The following PHACTR2 variants were observed in gnomAD, a reference collection of about 807,000 sequenced individuals.
PHACTR2 encodes phosphatase and actin regulator 2, also known as chromosome 6 open reading frame 56.
A neutral mutation model predicts 76.0 loss-of-function variants in PHACTR2; 30 were observed. The observed-to-expected ratio is 0.39, with a 90% CI of 0.30 to 0.54. The LOEUF (loss-of-function observed/expected upper bound fraction) is 0.54. PHACTR2 is among the 20% of genes least tolerant of loss of function. The probability of loss-of-function intolerance (pLI) is 0.61; values close to 1 mark genes in which losing one functional copy is unlikely to be tolerated. For missense variants in PHACTR2, 696 were observed against 781.1 expected, an observed-to-expected ratio of 0.89 and a Z score of 1.30; for synonymous variants, 292 against 292.5, an observed-to-expected ratio of 1.00 and a Z score of 0.02.
chr6:143,704,313 A>G (rs1015693522), intron 1 of PHACTR2, among the ~76,000 whole-genome samples: 6 of 152,198 alleles, frequency 3.9e-5, no homozygotes, highest in Admixed American at 1.3e-4. Context: ...TCTCTTACTT[A>G]TAGAATACTG....
Position 143,754,217 on chromosome 6 carries a change from G to C in PHACTR2, c.454+305G>C, listed in dbSNP as rs892588229. The C allele has an allele frequency of 1.1e-5, 2 of 183,560 alleles. No homozygotes were observed. Among genetic ancestry groups the C allele is most frequent in the Non-Finnish European group, 2.3e-5 (2 of 87,956 alleles). 11.4% of individuals were successfully genotyped at this position (183,560 alleles called of 1,614,324 possible). A position where few individuals can be genotyped will look rare whatever the true frequency, so the allele number is the denominator to read the frequency against. ...CTGGGAAGATTATCCTTTCTTAGGA[G>C]CTTTGTCTCAGGATCATAATGAAAG... On this transcript the variant is annotated intron_variant, in intron 4 of 12. Transcript: ENST00000440869. The surrounding 1 kb of genome is among the most constrained non-coding windows in gnomAD (Gnocchi z 6.2).
chr6:143,677,476 G>C (rs1443939903), upstream of PHACTR2, among the ~76,000 whole-genome samples: 1 of 152,056 alleles, frequency 6.6e-6, no homozygotes, highest in Non-Finnish European at 1.5e-5. Context: ...ACAGCAAAAA[G>C]TATATTTTGT....
At position 143,583,189 on chromosome 6, in the gene PHACTR2, G is replaced by A. The variant is rs1233338423; in HGVS notation, c.217+45982G>A. Among the ~76,000 whole-genome samples, 2 of 152,190 alleles carry A rather than the reference G, an allele frequency of 1.3e-5. No individual in the cohort carries two copies. Among genetic ancestry groups the A allele is most frequent in the African/African-American group, 2.4e-5 (1 of 41,460 alleles). ...GTATCTGTGAATTCACCATGGCCAC[G>A]GTAGTGATAAAGAGCATTCCTCCAC... On this transcript the variant is annotated intron_variant, in intron 1 of 11. Coordinates refer to the PHACTR2 transcript ENST00000367584. The surrounding 1 kb of genome is among the most constrained non-coding windows in gnomAD (Gnocchi z 4.0).
intron 1 of PHACTR2, among the ~76,000 whole-genome samples, chr6:143,614,494 G>A (rs1050208686): frequency 6.6e-6 from 1 of 151,782 alleles, no homozygotes; most frequent in Non-Finnish European, 1.5e-5. Context: ...AGCCATTTTT[G>A]GTAACTAGCA....
rs1775576781 is a variant in PHACTR2, at chr6:143,581,727, A to T, written c.217+44520A>T. Among the ~76,000 whole-genome samples the T allele has an allele frequency of 6.6e-6, 1 of 152,076 alleles. No individual in the cohort carries two copies. The highest frequency in any genetic ancestry group is 1.5e-5 in the Non-Finnish European group (1 of 68,018). ...GTGCCTGTAATCCCAGCTAGTCAGG[A>T]GGGTGAGGCAGGAGGATCACCTGAG... On this transcript the variant is annotated intron_variant, in intron 1 of 11. Coordinates refer to the PHACTR2 transcript ENST00000367584. This position sits in a 1 kb window ranked among gnomAD's most constrained non-coding sequence, Gnocchi z 4.5.
In PHACTR2 at chr6:143,801,388, G is replaced by T. The variant is rs1412599348; in HGVS notation, c.1846-5669G>T. Among the ~76,000 whole-genome samples, 2 of 152,146 alleles carry T rather than the reference G, an allele frequency of 1.3e-5. No homozygotes were observed. The highest frequency in any genetic ancestry group is 3.8e-4 in the East Asian group (2 of 5,200). On this transcript the variant is annotated intron_variant, in intron 11 of 12. Coordinates refer to ENST00000440869, the MANE Select transcript of PHACTR2 (RefSeq NM_001100164.2). The surrounding 1 kb of genome is among the most constrained non-coding windows in gnomAD (Gnocchi z 4.6). ...TAGTCTCATATTTATTGGAGGCTTT[G>T]TTCATTTCTTTTCACTCCTTATTCT...
In PHACTR2 at chr6:143,656,331, G is replaced by T. The variant is rs767450749; in HGVS notation, c.13+48009G>T. On this transcript the variant is annotated intron_variant, in intron 1 of 11. Coordinates refer to the PHACTR2 transcript ENST00000305766. The surrounding 1 kb of genome is among the most constrained non-coding windows in gnomAD (Gnocchi z 5.3). ...TCTTTCCTGGCTGTAACAGTTACAGGGGCGTCCAATCTTTTGGCTTCCCTG... is the reference window on the plus strand; with the variant it reads ...TCTTTCCTGGCTGTAACAGTTACAGTGGCGTCCAATCTTTTGGCTTCCCTG... 6.6e-6 allele frequency among the ~76,000 whole-genome samples: 1 copy of T among 152,154 alleles called. No homozygotes were observed. The highest frequency in any genetic ancestry group is 1.9e-4 in the East Asian group (1 of 5,200).
In PHACTR2 at chr6:143,562,638, T is replaced by C. The variant is rs149115646; in HGVS notation, c.217+25431T>C. ...CTGAGTTTCAAGGGTAATAATCCTG[T>C]CTTAAAATTTATGTATATACAATTC... On this transcript the variant is annotated intron_variant, in intron 1 of 11. Transcript: ENST00000367584. This position sits in a 1 kb window ranked among gnomAD's most constrained non-coding sequence, Gnocchi z 5.1. Among the ~76,000 whole-genome samples, 9 of 152,284 alleles carry C rather than the reference T, an allele frequency of 5.9e-5. No homozygotes were observed. Among genetic ancestry groups the C allele is most frequent in the Non-Finnish European group, 1.3e-4 (9 of 68,034 alleles).
chr6:143,771,144 GTATATATA>G (rs1185999309), intron 6 of PHACTR2, among the ~76,000 whole-genome samples: 1 of 30,816 alleles, frequency 3.2e-5, no homozygotes, highest in African/African-American at 1.1e-4. Context: ...ATATATATAT[GTATATATA>G]TATATGTATA....
Position 143,686,131 on chromosome 6 carries a change from C to CAA in PHACTR2, c.46+7937_46+7938dup, listed in dbSNP as rs555725210. On this transcript the variant is annotated intron_variant, in intron 1 of 12. Transcript: ENST00000440869. ...TGGACGACAGAGTGAGATTCTGTCT[C>CAA]AAAAAAAAAAAAAAAAGTGCACTTA... Among the ~76,000 whole-genome samples the CAA allele has an allele frequency of 6.9e-4, 72 of 105,036 alleles. 1 individual carries two copies. Among genetic ancestry groups the CAA allele is most frequent in the East Asian group, 3.3e-3 (13 of 3,918 alleles). 68.9% of individuals were successfully genotyped at this position (105,036 alleles called of 152,430 possible). A position where few individuals can be genotyped will look rare whatever the true frequency, so the allele number is the denominator to read the frequency against.
intron 2 of PHACTR2, among the ~76,000 whole-genome samples, chr6:143,725,076 A>G (rs1406216346): frequency 6.6e-6 from 1 of 151,328 alleles, no homozygotes. Context: ...TTTGTTTTAT[A>G]TGTGTCTGTG....
Position 143,822,628 on chromosome 6 carries a change from A to G in PHACTR2, c.1923-1046A>G, listed in dbSNP as rs78473040. Among the ~76,000 whole-genome samples, 1,021 of 152,346 alleles carry G rather than the reference A, an allele frequency of 6.7e-3. 11 individuals carry two copies. The highest frequency in any genetic ancestry group is 0.022 in the African/African-American group (918 of 41,592). On this transcript the variant is annotated intron_variant, in intron 12 of 12. Transcript: ENST00000440869. This position sits in a 1 kb window ranked among gnomAD's most constrained non-coding sequence, Gnocchi z 5.5. ...GAGAGAGCCTGGGACAGGGAAACCA[A>G]TTAGGAGACTGGCTGACCAGAGCAG... is the stretch of plus-strand genomic sequence containing the variant.
chr6:143,562,264 G>A lies in PHACTR2; in HGVS notation c.217+25057G>A, dbSNP rs1309452600. On this transcript the variant is annotated intron_variant, in intron 1 of 11. Coordinates refer to the PHACTR2 transcript ENST00000367584. The surrounding 1 kb of genome is among the most constrained non-coding windows in gnomAD (Gnocchi z 5.1). ...AGAGGTTTAATTAGCTCACAGTTCT[G>A]CAGGCTGTACAGGAAGCACGGTGCT... Among the ~76,000 whole-genome samples, 1 of 152,154 alleles carries A rather than the reference G, an allele frequency of 6.6e-6. No individual in the cohort carries two copies. The highest frequency in any genetic ancestry group is 1.5e-5 in the Non-Finnish European group (1 of 68,038).
Position 143,611,231 on chromosome 6 carries a change from T to G in PHACTR2, c.13+2909T>G, listed in dbSNP as rs1221323489. Among the ~76,000 whole-genome samples the G allele has an allele frequency of 6.6e-6, 1 of 152,134 alleles. No individual in the cohort carries two copies. Among genetic ancestry groups the G allele is most frequent in the Non-Finnish European group, 1.5e-5 (1 of 68,014 alleles). ...ATATCAAGATATTTCAGTTACCATGTGTGGGTTGAAAGAGCCACACTCATT... is the reference window on the plus strand; with the variant it reads ...ATATCAAGATATTTCAGTTACCATGGGTGGGTTGAAAGAGCCACACTCATT... On this transcript the variant is annotated intron_variant, in intron 1 of 11. Transcript: ENST00000305766. This position sits in a 1 kb window ranked among gnomAD's most constrained non-coding sequence, Gnocchi z 4.4.
At chr6:143,741,222 C>T (rs368348684) in intron 2 of PHACTR2, among the ~76,000 whole-genome samples, 1 of 145,986 alleles carries the variant, frequency 6.8e-6, no homozygotes, top group Non-Finnish European at 1.5e-5. Flanking sequence ...ACTAAAAATA[C>T]AAAAATTAGC....
chr6:143,748,225 C>G (rs1779110577), intron 2 of PHACTR2, among the ~76,000 whole-genome samples: 3 of 152,170 alleles, frequency 2.0e-5, no homozygotes, highest in Non-Finnish European at 2.9e-5. Context: ...ACCACCATGA[C>G]CAGCTAATTT....
At chr6:143,798,117 C>T (rs1323065504) in intron 11 of PHACTR2, among the ~76,000 whole-genome samples, 4 of 151,966 alleles carry the variant, frequency 2.6e-5, no homozygotes, top group Non-Finnish European at 4.4e-5. Context: ...CCTTCATATC[C>T]CTTGTAAGTT....
At chr6:143,676,272 G>A (rs1777242884), upstream of PHACTR2, among the ~76,000 whole-genome samples, 1 of 152,122 alleles carries the variant, frequency 6.6e-6, no homozygotes, top group African/African-American at 2.4e-5. This position sits in a 1 kb window ranked among gnomAD's most constrained non-coding sequence, Gnocchi z 4.8. Flanking sequence ...AGCAATTCCT[G>A]AAAAACTGGA....
chr6:143,699,430 C>A, intron 1 of PHACTR2, among the ~76,000 whole-genome samples: 1 of 152,170 alleles, frequency 6.6e-6, no homozygotes, highest in East Asian at 1.9e-4. Flanking sequence ...AGGAGTTCAA[C>A]GTTCTTTATT....
Sources: allele counts gnomAD v4.1 joint callset (sites outside exome capture counted in the v4.1 genomes callset), GRCh38; gene constraint gnomAD v4.1.1; non-coding constraint Gnocchi (gnomAD v3.1); transcripts MANE v1.5; gene names NCBI Gene and HGNC (gene_info 2026-07-23, HGNC 2026-07-21).